ATP7B: variants seen among roughly 807,000 people sequenced by gnomAD.
The protein encoded by ATP7B is copper-transporting ATPase 2.
ATP7B carries 113 observed loss-of-function variants against 118.9 expected under a neutral mutation model. The ratio of observed to expected loss-of-function variants is 0.95; its 90% CI spans 0.82 to 1.11. The LOEUF is 1.11. Ranked by LOEUF, ATP7B falls within the 50% of genes most tolerant of loss-of-function variation. The pLI is 0.00. For missense variants in ATP7B, 1,867 were observed against 1,871.4 expected, an observed-to-expected ratio of 1.00 and a Z score of 0.04; for synonymous variants, 777 against 727.4, an observed-to-expected ratio of 1.07 and a Z score of -1.10.
chr13:51,961,372 G>A (rs943199929), intron 6 of ATP7B, among the ~76,000 whole-genome samples: 1 of 151,754 alleles, frequency 6.6e-6, no homozygotes, highest in African/African-American at 2.4e-5. Context: ...GGTCTCCCGC[G>A]CCTGGGCCAT....
At chr13:51,968,642 G>A (rs749832846) in intron 3 of ATP7B, 35 bp from the exon 4 acceptor site, 1 of 1,612,860 alleles carries the variant, frequency 6.2e-7, no homozygotes, top group South Asian at 1.1e-5. Context: ...AACACTCTGG[G>A]TGGGCAGGGC....
At chr13:52,009,974 G>A (rs879539371) in intron 1 of ATP7B, among the ~76,000 whole-genome samples, 10 of 152,146 alleles carry the variant, frequency 6.6e-5, no homozygotes, top group Non-Finnish European at 5.9e-5. Context: ...GCTCAATAAC[G>A]CTGGTCAACG....
At chr13:51,964,281 C>T (rs1958947440) in intron 5 of ATP7B, among the ~76,000 whole-genome samples, 1 of 152,188 alleles carries the variant, frequency 6.6e-6, no homozygotes, top group Non-Finnish European at 1.5e-5. Flanking sequence ...TTTTGACTGC[C>T]TTAACCCATT....
chr13:52,011,488 C>T, upstream of ATP7B: 2 of 866,936 alleles, frequency 2.3e-6, no homozygotes, highest in Non-Finnish European at 3.7e-6. Flanking sequence ...AAACAGGGGT[C>T]CGGGAACCGC....
intron 5 of ATP7B, among the ~76,000 whole-genome samples, chr13:51,962,138 T>A (rs1246323406): frequency 6.6e-6 from 1 of 152,206 alleles, no homozygotes; most frequent in East Asian, 1.9e-4. Context: ...ACTCCAAAGC[T>A]GAGCAGTGCT....
intron 4 of ATP7B, chr13:51,966,910 G>C (rs759632407): frequency 1.2e-6 from 2 of 1,613,082 alleles, no homozygotes; most frequent in Non-Finnish European, 8.5e-7. Flanking sequence ...CACAAAAACC[G>C]AGAGCACTTT....
At position 51,941,240 on chromosome 13, in the gene ATP7B, T is replaced by C. The variant is rs765833446; in HGVS notation, c.3413-16A>G. 1.7e-5 allele frequency: 27 copies of C among 1,614,074 alleles called. No homozygotes were observed. Among genetic ancestry groups the C allele is most frequent in the Non-Finnish European group, 2.3e-5 (27 of 1,179,918 alleles). On this transcript the variant is annotated splice_polypyrimidine_tract_variant and intron_variant, in intron 15 of 20. Transcript: ENST00000242839. ...GGGACTGCATCTATTCAAAAGAGGC[T>C]GTGGTTATTTCTAAATGGTCCAATT...
rs192957846 is a variant in ATP7B, at chr13:51,968,596, C to T, written c.1555G>A (p.Val519Met). 6.6e-4 allele frequency: 1,064 copies of T among 1,614,100 alleles called. No homozygotes were observed. The highest frequency in any genetic ancestry group is 8.3e-4 in the Non-Finnish European group (980 of 1,180,012). Residue 519 changes from valine (V) to methionine (M), a missense_variant, in exon 4 of 21, where the codon GTG becomes ATG. By Grantham distance (21) the Val-to-Met change is conservative (BLOSUM62 1). Transcript: ENST00000242839. ...TTTCCTGCCATCAAGGCAACCAACACGGAGAGAACACCTGGAACCATCAGG... is the reference window on the plus strand; with the variant it reads ...TTTCCTGCCATCAAGGCAACCAACATGGAGAGAACACCTGGAACCATCAGG... ...NLQKEAGVLS[V>M]LVALMAGKAE...
chr13:51,973,925 C>T lies in ATP7B; in HGVS notation c.1285+10G>A. On this transcript the variant is annotated intron_variant, in intron 2 of 20. Transcript: ENST00000242839. ...ACAAGCTCAGGACATGCCTCAAACA[C>T]ACTACGTACCAGAAACGACTGAAGC... is the stretch of plus-strand genomic sequence containing the variant. 1 of 1,614,242 alleles carries T rather than the reference C, an allele frequency of 6.2e-7. No individual in the cohort carries two copies. Among genetic ancestry groups the T allele is most frequent in the South Asian group, 1.1e-5 (1 of 91,090 alleles).
chr13:51,947,340 T>C (rs956479064), intron 12 of ATP7B, among the ~76,000 whole-genome samples: 5 of 152,358 alleles, frequency 3.3e-5, no homozygotes, highest in Admixed American at 6.5e-5. Flanking sequence ...TTTTCTTCTC[T>C]GTATTTTTCA....
intron 1 of ATP7B, among the ~76,000 whole-genome samples, chr13:51,981,363 C>G (rs4941717): frequency 0.016 from 2,378 of 152,288 alleles, 76 homozygotes; most frequent in Admixed American, 0.081. Context: ...TCTGTCACCT[C>G]AGGAAAACTA....
intron 1 of ATP7B, among the ~76,000 whole-genome samples, chr13:51,982,492 GT>G (rs1447830167): frequency 1.3e-5 from 2 of 152,138 alleles, no homozygotes; most frequent in East Asian, 3.9e-4. Flanking sequence ...CTCCTGATGA[GT>G]TTTAAAAAAC....
chr13:51,965,786 G>C (rs1012029193), intron 4 of ATP7B, among the ~76,000 whole-genome samples: 1 of 152,234 alleles, frequency 6.6e-6, no homozygotes, highest in Non-Finnish European at 1.5e-5. Context: ...CAAGCAGCCA[G>C]CTAAAGTGTT....
chr13:52,007,413 A>G lies in ATP7B; in HGVS notation c.51+3874T>C, dbSNP rs948285077. ...CAGTTTCCCCATCTGTAAAGCAATG[A>G]TGAACTCTGATCTCCTGTTCTATCA... On this transcript the variant is annotated intron_variant, in intron 1 of 20. Coordinates refer to ENST00000242839, the MANE Select transcript of ATP7B (RefSeq NM_000053.4). 7.2e-5 allele frequency among the ~76,000 whole-genome samples: 11 copies of G among 152,260 alleles called. No homozygotes were observed. The East Asian group carries it at 2.1e-3, about 29-fold the overall frequency.
rs121907997 is a variant in ATP7B, at chr13:51,958,369, G to C, written c.2297C>G (p.Thr766Arg). The C allele has an allele frequency of 5.0e-6, 8 of 1,614,188 alleles. No individual in the cohort carries two copies. The highest frequency in any genetic ancestry group is 6.8e-6 in the Non-Finnish European group (8 of 1,180,026). ...AERSPVTFFD[T>R]PPMLFVFIAL... is the part of the protein sequence containing the mutation. ...AATGAACACAAAGAGCATGGGGGGC[G>C]TGTCGAAGAATGTCACAGGGCTCCT... is the stretch of plus-strand genomic sequence containing the variant. Residue 766 changes from threonine to arginine, a missense_variant, in exon 8 of 21, where the codon ACG (threonine) becomes AGG (arginine). Transcript: ENST00000242839.
At chr13:51,950,459 TA>T in intron 9 of ATP7B, 60 bp from the exon 10 acceptor site, 5 of 1,609,186 alleles carry the variant, frequency 3.1e-6, no homozygotes, top group African/African-American at 2.7e-5. Flanking sequence ...GGTCAGGTTC[TA>T]GGCCAGCTGT....
At chr13:51,993,335 A>T (rs1426380852) in intron 1 of ATP7B, among the ~76,000 whole-genome samples, 5 of 150,826 alleles carry the variant, frequency 3.3e-5, no homozygotes, top group Non-Finnish European at 7.4e-5. Context: ...TGGGAGGGGG[A>T]GGCAGGAGGA....
chr13:51,968,725 T>A, intron 3 of ATP7B, 118 bp from the exon 4 acceptor site: 1 of 1,240,878 alleles, frequency 8.1e-7, no homozygotes, highest in Non-Finnish European at 1.2e-6. Context: ...ACAGCAGTTT[T>A]CAAACACTGT....
rs73498187 is a variant in ATP7B, at chr13:51,973,326, C to T, written c.1285+609G>A. Among the ~76,000 whole-genome samples the T allele has an allele frequency of 4.9e-3, 747 of 152,348 alleles. 6 individuals are homozygous for T. Among genetic ancestry groups the T allele is most frequent in the African/African-American group, 0.016 (676 of 41,588 alleles). On this transcript the variant is annotated intron_variant, in intron 2 of 20. Transcript: ENST00000242839. ...AATCCAAGGAGGTTCGCATTCAAGT[C>T]AGCCATGGTTTGACTGTGTCCCCCA...
Sources: gnomAD v4.1 joint callset for allele counts (sites outside exome capture counted in the v4.1 genomes callset) on GRCh38, gnomAD v4.1.1 for gene constraint, MANE v1.5 for transcripts, NCBI Gene and HGNC (gene_info 2026-07-23, HGNC 2026-07-21) for gene names.